Variants in NBEA observed in about 807,000 individuals in gnomAD.
The protein encoded by NBEA is neurobeachin, also known as lysosomal-trafficking regulator 2.
NBEA carries 44 observed loss-of-function variants against 343.4 expected under a neutral mutation model. That is an observed-to-expected ratio of 0.13 (90% CI 0.10 to 0.16). The LOEUF (loss-of-function observed/expected upper bound fraction) is 0.16, where lower values mean the gene tolerates loss of function less well. Among genes scored for constraint, NBEA ranks in the 10% least tolerant of loss-of-function variants. The pLI is 1.00. For synonymous variants in NBEA, 1,175 were observed against 1,238.7 expected, an observed-to-expected ratio of 0.95 and a Z score of 1.08; for missense variants, 2,555 against 3,631.3, an observed-to-expected ratio of 0.70 and a Z score of 7.62.
chr13:35,060,871 A>C (rs2063443964), intron 8 of NBEA, among the ~76,000 whole-genome samples: 1 of 151,640 alleles, frequency 6.6e-6, no homozygotes, highest in South Asian at 2.1e-4. Context: ...GCTACAGTGG[A>C]ATTTTTAAGG....
At chr13:35,604,887 C>T (rs1259380123) in intron 47 of NBEA, among the ~76,000 whole-genome samples, 3 of 152,078 alleles carry the variant, frequency 2.0e-5, no homozygotes, top group African/African-American at 7.2e-5. Context: ...TCCTGACTTG[C>T]CCAGAATCCC....
chr13:35,431,125 AC>A (rs1451835586), intron 38 of NBEA, among the ~76,000 whole-genome samples: 6 of 152,104 alleles, frequency 3.9e-5, no homozygotes, highest in South Asian at 2.1e-4. Context: ...AATTAAAAAA[AC>A]GTTTTCATTA....
intron 1 of NBEA, among the ~76,000 whole-genome samples, chr13:34,986,827 G>T (rs2060565813): frequency 6.6e-6 from 1 of 150,664 alleles, no homozygotes; most frequent in Non-Finnish European, 1.5e-5. Context: ...CAGAGACTAG[G>T]ATTGCAACCC....
At chr13:35,605,716 T>C (rs538231113) in intron 47 of NBEA, among the ~76,000 whole-genome samples, 3 of 152,340 alleles carry the variant, frequency 2.0e-5, no homozygotes, top group Non-Finnish European at 4.4e-5. Context: ...AATTAGATGC[T>C]GTACATCACA....
intron 49 of NBEA, among the ~76,000 whole-genome samples, chr13:35,641,016 A>T (rs896628217): frequency 6.6e-6 from 1 of 152,076 alleles, no homozygotes; most frequent in African/African-American, 2.4e-5. Context: ...AAGAATCCAT[A>T]TAACAATTAA....
chr13:35,467,347 C>T (rs1355916316), intron 40 of NBEA, among the ~76,000 whole-genome samples: 4 of 152,086 alleles, frequency 2.6e-5, no homozygotes, highest in Non-Finnish European at 5.9e-5. Context: ...TGGTATGCAC[C>T]TGTAATCCCA....
chr13:35,370,760 T>G (rs987127868), intron 38 of NBEA, among the ~76,000 whole-genome samples: 3 of 152,128 alleles, frequency 2.0e-5, no homozygotes, highest in Non-Finnish European at 4.4e-5. Context: ...AGCATTCTTT[T>G]GCTTCCAAGT....
intron 40 of NBEA, 96 bp downstream of exon 40, chr13:35,452,331 G>A (rs2046350017): frequency 1.1e-6 from 1 of 874,984 alleles, no homozygotes; most frequent in Admixed American, 2.7e-5. Flanking sequence ...TGTGCCAATG[G>A]TTGTAACAAT....
rs1277622725 is a variant in NBEA, at chr13:35,594,540, TA to T, written c.7296+1101del. Among the ~76,000 whole-genome samples the T allele has an allele frequency of 3.3e-5, 5 of 151,868 alleles. No individual in the cohort carries two copies. The East Asian group carries it at 5.8e-4, about 18-fold the overall frequency. The stretch of plus-strand genomic sequence containing the variant: ...TATTCATACAACATATTTACATTTG[TA>T]AAAAAAATAAGAGAATTTAATATGC... On this transcript the variant is annotated intron_variant, in intron 47 of 58. Coordinates refer to ENST00000379939, the MANE Select transcript of NBEA (RefSeq NM_001385012.1).
intron 16 of NBEA, among the ~76,000 whole-genome samples, chr13:35,118,888 G>A (rs904474021): frequency 6.6e-6 from 1 of 151,622 alleles, no homozygotes; most frequent in African/African-American, 2.4e-5. Flanking sequence ...AGCTGGTGAT[G>A]AAAATTAAAG....
intron 53 of NBEA, 109 bp downstream of exon 53, chr13:35,651,985 T>C (rs371933731): frequency 2.9e-6 from 2 of 687,756 alleles, no homozygotes; most frequent in African/African-American, 1.8e-5. Flanking sequence ...AAGATTAAAA[T>C]GCTAATAATA....
intron 41 of NBEA, chr13:35,474,791 T>TA (rs1342004136): frequency 2.4e-6 from 1 of 416,816 alleles, no homozygotes; most frequent in Admixed American, 4.2e-5. Flanking sequence ...TACGGAGTGT[T>TA]ACGGTGTACT....
chr13:35,624,689 T>C (rs953848), intron 48 of NBEA, among the ~76,000 whole-genome samples: 3,722 of 151,938 alleles, frequency 0.024, 139 homozygotes, highest in East Asian at 0.12. Context: ...ATGAAAAATA[T>C]AGAAAGCTGG....
chr13:35,288,041 G>T (rs2035550116), intron 34 of NBEA, among the ~76,000 whole-genome samples: 1 of 151,810 alleles, frequency 6.6e-6, no homozygotes, highest in Non-Finnish European at 1.5e-5. Flanking sequence ...AAACTCCTTA[G>T]TACTAACATT....
At chr13:35,067,716 C>T (rs754214653) in intron 8 of NBEA, among the ~76,000 whole-genome samples, 8 of 151,948 alleles carry the variant, frequency 5.3e-5, no homozygotes, top group Admixed American at 5.3e-4. Flanking sequence ...AAGGCTTATA[C>T]TTTTATGTAA....
intron 49 of NBEA, among the ~76,000 whole-genome samples, chr13:35,630,842 C>G (rs1035484085): frequency 1.3e-5 from 2 of 152,116 alleles, no homozygotes; most frequent in South Asian, 2.1e-4. Flanking sequence ...TTAGGAAGAG[C>G]CTCTATCTCC....
At chr13:35,165,215 C>G (rs922585670) in intron 24 of NBEA, 3 of 476,536 alleles carry the variant, frequency 6.3e-6, no homozygotes, top group African/African-American at 6.0e-5. Context: ...AAGTTGATCT[C>G]TAAGTGTATT....
chr13:35,083,586 C>T (rs1250874823), intron 10 of NBEA, among the ~76,000 whole-genome samples: 2 of 151,978 alleles, frequency 1.3e-5, no homozygotes, highest in Admixed American at 6.6e-5. Flanking sequence ...CCAGGCCTGC[C>T]CTAAAAGAGC....
chr13:35,644,548 A>C (rs915538698), intron 49 of NBEA, among the ~76,000 whole-genome samples: 2 of 152,148 alleles, frequency 1.3e-5, no homozygotes, highest in Non-Finnish European at 1.5e-5. Context: ...AACATGTTTA[A>C]TTTTACCCCC....
Sources: gnomAD v4.1 joint callset for allele counts (sites outside exome capture counted in the v4.1 genomes callset) on GRCh38, gnomAD v4.1.1 for gene constraint, MANE v1.5 for transcripts, NCBI Gene and HGNC (gene_info 2026-07-23, HGNC 2026-07-21) for gene names.